KCTD15: variants seen among roughly 807,000 people sequenced by gnomAD.
The protein encoded by KCTD15 is potassium channel tetramerization domain containing 15, also known as BTB/POZ domain-containing protein KCTD15.
In KCTD15, 11 loss-of-function variants were observed where a neutral mutation model predicts 27.2. The observed-to-expected ratio is 0.41, with a 90% confidence interval of 0.25 to 0.67. The LOEUF (loss-of-function observed/expected upper bound fraction) is 0.67. KCTD15 is among the 30% of genes least tolerant of loss of function. The probability of loss-of-function intolerance (pLI) is 0.35; values close to 1 mark genes in which losing one functional copy is unlikely to be tolerated. For synonymous variants in KCTD15, 163 were observed against 176.0 expected, an observed-to-expected ratio of 0.93 and a Z score of 0.58; for missense variants, 350 against 409.3, an observed-to-expected ratio of 0.86 and a Z score of 1.25.
rs530295360 is a variant in KCTD15, at chr19:33,811,831, G to T, written c.693+279G>T. The T allele has an allele frequency of 1.0e-5, 16 of 1,605,856 alleles. 1 individual carries two copies. The South Asian group carries it at 1.8e-4, about 18-fold the overall frequency. On this transcript the variant is annotated intron_variant, in intron 6 of 6. Transcript: ENST00000683859. ...TGGCCCAGAGTATTTTCAACAAAGC[G>T]TGCTTCATTTGACACCCAGAGTCTG...
rs1486997418 is a variant in KCTD15, at chr19:33,815,200, A to G, written c.*2252A>G. 3 of 152,186 alleles carry G rather than the reference A, an allele frequency of 2.0e-5. No individual in the cohort carries two copies. The allele number at this position is 152,186 out of a possible 1,614,324, so 9.4% of individuals were successfully genotyped here. On this transcript the variant is annotated 3_prime_UTR_variant, in exon 7 of 7. Coordinates refer to ENST00000683859, the MANE Select transcript of KCTD15 (RefSeq NM_001129994.2). ...TGTGCTAAAAATAAAATTTATTAAT[A>G]AAGAAGGGGAAAAAGGAGTAACTCT...
chr19:33,812,453 G>C (rs547020678), intron 6 of KCTD15: 4 of 1,103,054 alleles, frequency 3.6e-6, no homozygotes, highest in Non-Finnish European at 4.4e-6. Context: ...TCTGGAGAGA[G>C]GGCATAGGTT....
rs1976042058 is a variant in KCTD15 at position 33,814,714 on chromosome 19, G to C, written c.*1766G>C. On this transcript the variant is annotated 3_prime_UTR_variant, in exon 7 of 7. Coordinates refer to ENST00000683859, the MANE Select transcript of KCTD15 (RefSeq NM_001129994.2). ...CACCTAAGCACAGAACGAGATCTCA[G>C]TATGCCTCCATGTAAACAGATTCAC... 1 of 152,372 alleles carries C rather than the reference G, an allele frequency of 6.6e-6. No individual in the cohort carries two copies. Among genetic ancestry groups the C allele is most frequent in the South Asian group, 2.1e-4 (1 of 4,826 alleles). 9.4% of individuals were successfully genotyped at this position (152,372 alleles called of 1,614,324 possible).
chr19:33,811,194 C>CCCCCCCCCCCCAAAA, intron 5 of KCTD15, 53 bp from the exon 6 acceptor site: 1 of 1,263,562 alleles, frequency 7.9e-7, no homozygotes, highest in Non-Finnish European at 1.1e-6. Flanking sequence ...TCCCCCTTCC[C>CCCCCCCCCCCCAAAA]CCACCACCCC....
chr19:33,811,286 C>T lies in KCTD15; in HGVS notation c.427C>T (p.Leu143Phe). 1 of 1,542,362 alleles carries T rather than the reference C, an allele frequency of 6.5e-7. No individual in the cohort carries two copies. The highest frequency in any genetic ancestry group is 1.2e-5 in the South Asian group (1 of 83,504). ...LLYEEARYYQ[L>F]QPMVRELERW... ...GTACGAGGAGGCGCGCTACTATCAG[C>T]TCCAGCCCATGGTGCGCGAGCTGGA... Residue 143 changes from leucine to phenylalanine, a missense_variant, in exon 6 of 7, where the codon CTC becomes TTC. Leu to Phe is a conservative substitution (Grantham distance 22). Transcript: ENST00000683859.
intron 4 of KCTD15, among the ~76,000 whole-genome samples, chr19:33,806,085 G>T (rs926048051): frequency 6.6e-6 from 1 of 152,266 alleles, no homozygotes; most frequent in Non-Finnish European, 1.5e-5. Context: ...GTGCATGTGT[G>T]TGCATGGTTT....
upstream of KCTD15, among the ~76,000 whole-genome samples, chr19:33,795,707 G>T (rs2145415208): frequency 6.6e-6 from 1 of 152,230 alleles, no homozygotes; most frequent in East Asian, 1.9e-4. Flanking sequence ...GAGGAGGAGT[G>T]GGAGTGGGAG....
chr19:33,796,135 G>A (rs1975311392), upstream of KCTD15: 1 of 152,168 alleles, frequency 6.6e-6, no homozygotes. Context: ...ACTTATTTGG[G>A]AGCCGAAAAT....
At chr19:33,812,078 A>C (rs1975943380) in intron 6 of KCTD15, 2 of 1,348,718 alleles carry the variant, frequency 1.5e-6, no homozygotes, top group East Asian at 5.7e-5. Context: ...CAGACCCAAG[A>C]GCTTGGCACA....
intron 3 of KCTD15, among the ~76,000 whole-genome samples, chr19:33,800,754 C>T (rs183424144): frequency 6.6e-5 from 10 of 152,270 alleles, no homozygotes; most frequent in South Asian, 4.1e-4. Flanking sequence ...AGAGGTGTCT[C>T]GTTACTGAGA....
At chr19:33,799,399 G>C (rs1048567062) in intron 2 of KCTD15, among the ~76,000 whole-genome samples, 3 of 152,246 alleles carry the variant, frequency 2.0e-5, no homozygotes, top group African/African-American at 4.8e-5. Flanking sequence ...GAGACGTCCA[G>C]GGTAGGTTTG....
At chr19:33,811,931 C>G in intron 6 of KCTD15, 2 of 1,544,922 alleles carry the variant, frequency 1.3e-6, no homozygotes, top group East Asian at 4.5e-5. Flanking sequence ...TCTGGAGCCC[C>G]TTCCCTCTCC....
upstream of KCTD15, among the ~76,000 whole-genome samples, chr19:33,795,629 G>A (rs1055347689): frequency 1.3e-5 from 2 of 152,078 alleles, no homozygotes; most frequent in African/African-American, 4.8e-5. Flanking sequence ...TAGGAGCCGG[G>A]AAATGGTCGC....
chr19:33,812,184 C>T (rs978890449), intron 6 of KCTD15: 26 of 1,136,450 alleles, frequency 2.3e-5, no homozygotes, highest in Admixed American at 4.5e-5. Flanking sequence ...TTGCAGGAGA[C>T]GGGTGTTACA....
chr19:33,812,128 G>A, intron 6 of KCTD15: 3 of 1,267,942 alleles, frequency 2.4e-6, no homozygotes, highest in African/African-American at 1.5e-5. Flanking sequence ...AGGGAAGAGG[G>A]CCCCCTGTGC....
chr19:33,807,459 C>T (rs541643018), intron 5 of KCTD15, among the ~76,000 whole-genome samples: 21 of 152,308 alleles, frequency 1.4e-4, no homozygotes, highest in Non-Finnish European at 2.9e-4. Flanking sequence ...AGCGGTGGCT[C>T]ACGCCTGTAA....
chr19:33,809,980 T>C (rs535915461), intron 5 of KCTD15, among the ~76,000 whole-genome samples: 1 of 152,356 alleles, frequency 6.6e-6, no homozygotes, highest in African/African-American at 2.4e-5. Context: ...GATGGGCCAC[T>C]GACCCATGAC....
chr19:33,809,954 G>A (rs1007078629), intron 5 of KCTD15, among the ~76,000 whole-genome samples: 1 of 152,208 alleles, frequency 6.6e-6, no homozygotes, highest in African/African-American at 2.4e-5. Flanking sequence ...GCCCTTGCAT[G>A]GGGCAGGAGA....
chr19:33,806,798 G>C, intron 4 of KCTD15, 65 bp from the exon 5 acceptor site: 4 of 1,572,264 alleles, frequency 2.5e-6, no homozygotes, highest in East Asian at 4.5e-5. Flanking sequence ...TGGGGGCGGG[G>C]TGTGGGAAGA....
Sources: allele counts gnomAD v4.1 joint callset (sites outside exome capture counted in the v4.1 genomes callset), GRCh38; gene constraint gnomAD v4.1.1; transcripts MANE v1.5; gene names NCBI Gene and HGNC (gene_info 2026-07-23, HGNC 2026-07-21).